The following DACH2 variants were observed in gnomAD, a reference collection of about 807,000 sequenced individuals.
DACH2 encodes dachshund homolog 2.
Under a neutral mutation model 35.8 loss-of-function variants are expected in DACH2, and 17 were observed. That is an observed-to-expected ratio of 0.48 (90% CI 0.33 to 0.71). The LOEUF (loss-of-function observed/expected upper bound fraction) is 0.71. DACH2 is among the 30% of genes least tolerant of loss of function. The pLI is 0.02. For synonymous variants in DACH2, 195 were observed against 177.3 expected (o/e 1.10, Z -0.79); for missense variants, 469 against 472.7 (o/e 0.99, Z 0.07).
At chrX:86,466,937 C>G (rs1051699799) in intron 2 of DACH2, among the ~76,000 whole-genome samples, 6 of 111,343 alleles carry the variant, frequency 5.4e-5, no homozygotes, top group Non-Finnish European at 1.1e-4. Flanking sequence ...ACCTGGGCAA[C>G]AAAACCGCTT....
chrX:86,209,641 C>T (rs762701616), intron 1 of DACH2, among the ~76,000 whole-genome samples: 1 of 110,918 alleles, frequency 9.0e-6, no homozygotes, highest in East Asian at 2.9e-4. Flanking sequence ...AACACAGGCT[C>T]CCCAAAAGTT....
intron 1 of DACH2, among the ~76,000 whole-genome samples, chrX:86,268,490 A>AT (rs1282194836): frequency 1.6e-3 from 124 of 77,185 alleles, no homozygotes; most frequent in Middle Eastern, 6.3e-3. Flanking sequence ...CATTTAAAAC[A>AT]TTTATTTTAT....
chrX:86,665,093 G>T (rs2040651408), intron 4 of DACH2, among the ~76,000 whole-genome samples: 1 of 111,337 alleles, frequency 9.0e-6, no homozygotes, highest in Admixed American at 9.6e-5. Flanking sequence ...TAACCATTTT[G>T]CCTTCAATAA....
intron 5 of DACH2, among the ~76,000 whole-genome samples, chrX:86,697,099 T>C (rs1406391483): frequency 1.5e-4 from 17 of 111,609 alleles, no homozygotes; most frequent in Non-Finnish European, 3.8e-5. Context: ...TAAGGACTTA[T>C]GGGAGCTAAA....
At chrX:86,677,642 AAAC>A (rs2040837766) in intron 4 of DACH2, among the ~76,000 whole-genome samples, 1 of 112,271 alleles carries the variant, frequency 8.9e-6, no homozygotes, top group African/African-American at 3.2e-5. Flanking sequence ...ACTGTGTGAG[AAAC>A]AACTTTACCA....
intron 4 of DACH2, among the ~76,000 whole-genome samples, chrX:86,664,462 C>A (rs1465480736): frequency 9.0e-6 from 1 of 111,372 alleles, no homozygotes; most frequent in African/African-American, 3.3e-5. Context: ...TGTTCTACCT[C>A]TTTTTCCAAC....
intron 6 of DACH2, among the ~76,000 whole-genome samples, chrX:86,715,782 G>T (rs1313188375): frequency 9.0e-6 from 1 of 111,315 alleles, no homozygotes; most frequent in African/African-American, 3.3e-5. Context: ...AGAGGAAGGA[G>T]TGATTTTATC....
intron 3 of DACH2, among the ~76,000 whole-genome samples, chrX:86,528,210 G>T (rs2038661640): frequency 9.0e-6 from 1 of 111,119 alleles, no homozygotes; most frequent in South Asian, 3.8e-4. Context: ...TTTTGCTTAG[G>T]GTCAGTCTAG....
chrX:86,257,557 G>A (rs1011176221), intron 1 of DACH2, among the ~76,000 whole-genome samples: 1 of 111,604 alleles, frequency 9.0e-6, no homozygotes, highest in Non-Finnish European at 1.9e-5. Context: ...ACAGGCCCAT[G>A]CCACCATGCT....
intron 2 of DACH2, among the ~76,000 whole-genome samples, chrX:86,451,639 AC>A (rs975595795): frequency 1.8e-5 from 2 of 111,669 alleles, no homozygotes. Context: ...TCTATAAGTT[AC>A]TTTGGGCAGT....
At chrX:86,701,205 AT>A (rs2041138452) in intron 5 of DACH2, among the ~76,000 whole-genome samples, 1 of 111,940 alleles carries the variant, frequency 8.9e-6, no homozygotes, top group Admixed American at 9.5e-5. Context: ...GACTGTTTCA[AT>A]ATATGCAAAT....
chrX:86,190,145 T>C lies in DACH2; in HGVS notation c.488+41037T>C, dbSNP rs186179888. Among the ~76,000 whole-genome samples, 417 of 108,186 alleles carry C rather than the reference T, an allele frequency of 3.9e-3. 19 individuals are homozygous for C. The East Asian group carries it at 0.085, about 22-fold the overall frequency. 93.9% of individuals were successfully genotyped at this position (108,186 alleles called of 115,157 possible). The stretch of plus-strand genomic sequence containing the variant: ...TGCCACTGCACTCCAGCCTGGGCGA[T>C]AGAGTGAGACTCCATCTAAAAAAAA... On this transcript the variant is annotated intron_variant, in intron 1 of 11. Coordinates refer to ENST00000373125, the MANE Select transcript of DACH2 (RefSeq NM_053281.3).
chrX:86,825,080 A>G (rs906205510), intron 11 of DACH2, among the ~76,000 whole-genome samples: 6 of 112,132 alleles, frequency 5.4e-5, no homozygotes, highest in Non-Finnish European at 1.1e-4. Flanking sequence ...AATATTTCCA[A>G]TCTGCATCCT....
In DACH2 at chrX:86,225,479, G is replaced by A. The variant is rs191790954; in HGVS notation, c.488+76371G>A. Among the ~76,000 whole-genome samples the A allele has an allele frequency of 1.6e-4, 18 of 110,898 alleles. No homozygotes were observed. In the East Asian group the frequency reaches 4.0e-3, roughly 25 times the overall value. The stretch of plus-strand genomic sequence containing the variant: ...CTGTTAATTCTTTTTTGCATAAAGT[G>A]TCTCAAAATGTGACACAAAATTCTT... On this transcript the variant is annotated intron_variant, in intron 1 of 11. Transcript: ENST00000373125.
At chrX:86,698,065 G>C (rs1236445839) in intron 5 of DACH2, among the ~76,000 whole-genome samples, 1 of 110,431 alleles carries the variant, frequency 9.1e-6, no homozygotes, top group Admixed American at 9.7e-5. Flanking sequence ...AAGAAAATCT[G>C]GAAAGAAGAC....
At chrX:86,346,901 TTTTA>T (rs1249011596) in intron 1 of DACH2, among the ~76,000 whole-genome samples, 1 of 111,827 alleles carries the variant, frequency 8.9e-6, no homozygotes, top group Non-Finnish European at 1.9e-5. Context: ...GTGAGTATAC[TTTTA>T]TTTGTTTTAT....
chrX:86,289,889 C>T (rs1406047765), intron 1 of DACH2, among the ~76,000 whole-genome samples: 2 of 108,817 alleles, frequency 1.8e-5, no homozygotes, highest in African/African-American at 6.8e-5. Context: ...CATACGTGTG[C>T]ATGTGTCTTT....
intron 2 of DACH2, among the ~76,000 whole-genome samples, chrX:86,456,268 A>G (rs1159083749): frequency 8.9e-6 from 1 of 112,351 alleles, no homozygotes; most frequent in Non-Finnish European, 1.9e-5. Flanking sequence ...GCTGCTTCTA[A>G]TCAGCCATCT....
chrX:86,260,285 G>T (rs1407476883), intron 1 of DACH2, among the ~76,000 whole-genome samples: 1 of 110,581 alleles, frequency 9.0e-6, no homozygotes, highest in Non-Finnish European at 1.9e-5. Flanking sequence ...TTAACTTAGT[G>T]CTGGGAGATT....
Sources: allele counts gnomAD v4.1 joint callset (sites outside exome capture counted in the v4.1 genomes callset), GRCh38; gene constraint gnomAD v4.1.1; transcripts MANE v1.5; gene names NCBI Gene and HGNC (gene_info 2026-07-23, HGNC 2026-07-21).